MARCHF1: variants seen among roughly 807,000 people sequenced by gnomAD.
MARCHF1 encodes the protein membrane associated ring-CH-type finger 1.
Under a neutral mutation model 54.2 loss-of-function variants are expected in MARCHF1, and 40 were observed. The observed-to-expected ratio is 0.74, with a 90% CI of 0.57 to 0.96. The LOEUF is 0.96. Among genes scored for constraint, MARCHF1 ranks in the 40% least tolerant of loss-of-function variants. The probability of loss-of-function intolerance (pLI) is 0.00; values close to 1 mark genes in which losing one functional copy is unlikely to be tolerated. For missense variants in MARCHF1, 586 were observed against 656.5 expected (o/e 0.89, Z 1.17); for synonymous variants, 236 against 236.3 (o/e 1.00, Z 0.01).
At chr4:164,196,695 AAG>A (rs902206159) in intron 1 of MARCHF1, among the ~76,000 whole-genome samples, 9 of 152,180 alleles carry the variant, frequency 5.9e-5, no homozygotes, top group Admixed American at 3.9e-4. Context: ...AAAAAATAAA[AAG>A]AGAGAGAGAA....
rs1170533676 is a variant in MARCHF1 at position 163,619,375 on chromosome 4, G to C, written c.163-5982C>G. Among the ~76,000 whole-genome samples, 8 of 152,056 alleles carry C rather than the reference G, an allele frequency of 5.3e-5. No individual in the cohort carries two copies. The East Asian group carries it at 7.7e-4, about 15-fold the overall frequency. The stretch of plus-strand genomic sequence containing the variant: ...TAGTTTGAGCAATCAAATCCCAACA[G>C]GTTGTTTTATTTTAAGATATGGTAA... On this transcript the variant is annotated intron_variant, in intron 5 of 9. Coordinates refer to ENST00000514618, the MANE Select transcript of MARCHF1 (RefSeq NM_001394959.1).
chr4:163,774,390 G>A (rs1461439313), intron 4 of MARCHF1, among the ~76,000 whole-genome samples: 1 of 151,860 alleles, frequency 6.6e-6, no homozygotes, highest in Non-Finnish European at 1.5e-5. Flanking sequence ...TGTATCCAAT[G>A]TTTCCACGGT....
At chr4:163,821,422 T>C (rs1181866436) in intron 4 of MARCHF1, among the ~76,000 whole-genome samples, 1 of 151,962 alleles carries the variant, frequency 6.6e-6, no homozygotes, top group Non-Finnish European at 1.5e-5. Context: ...GGATTTTCAA[T>C]AGTAGGCATT....
At chr4:164,339,687 C>T (rs1429487692) in intron 1 of MARCHF1, among the ~76,000 whole-genome samples, 1 of 151,842 alleles carries the variant, frequency 6.6e-6, no homozygotes, top group Non-Finnish European at 1.5e-5. Flanking sequence ...ATAAACTAAG[C>T]ATAGAGTTTG....
intron 9 of MARCHF1, among the ~76,000 whole-genome samples, chr4:163,537,966 G>A (rs1211651634): frequency 2.6e-5 from 4 of 152,148 alleles, no homozygotes; most frequent in Admixed American, 1.3e-4. Context: ...ATCAACATGC[G>A]AATAGGTTTT....
At chr4:164,147,359 A>G (rs1252057670) in intron 1 of MARCHF1, among the ~76,000 whole-genome samples, 61 of 148,490 alleles carry the variant, frequency 4.1e-4, no homozygotes, top group African/African-American at 1.4e-3. Context: ...TGCTGCTATA[A>G]AGACACATGC....
chr4:164,171,495 A>C (rs1393046859), intron 1 of MARCHF1, among the ~76,000 whole-genome samples: 5 of 152,164 alleles, frequency 3.3e-5, no homozygotes, highest in Non-Finnish European at 7.4e-5. Context: ...TAAGTGAAAT[A>C]AGTGATTAGA....
At chr4:164,190,449 G>A (rs1731094877) in intron 1 of MARCHF1, 3 of 392,298 alleles carry the variant, frequency 7.6e-6, no homozygotes, top group African/African-American at 2.1e-5. Context: ...ACCTCAGAGT[G>A]GAGTTGAAAA....
intron 2 of MARCHF1, among the ~76,000 whole-genome samples, chr4:164,026,008 A>C (rs1753759290): frequency 6.6e-6 from 1 of 152,116 alleles, no homozygotes; most frequent in African/African-American, 2.4e-5. Flanking sequence ...ACAGCCTCCC[A>C]AGATTGAACC....
intron 1 of MARCHF1, among the ~76,000 whole-genome samples, chr4:164,304,438 A>G (rs1734645644): frequency 6.6e-6 from 1 of 152,008 alleles, no homozygotes; most frequent in African/African-American, 2.4e-5. Context: ...TTTCCCTCCC[A>G]CTCCTTCATA....
Position 164,220,579 on chromosome 4 carries a change from CATATG to C in MARCHF1, c.-322-108922_-322-108918del, listed in dbSNP as rs200401196. Among the ~76,000 whole-genome samples, 1,074 of 127,802 alleles carry C rather than the reference CATATG, an allele frequency of 8.4e-3. 8 individuals carry two copies. Among genetic ancestry groups the C allele is most frequent in the Non-Finnish European group, 0.012 (760 of 61,602 alleles). 83.8% of individuals were successfully genotyped at this position (127,802 alleles called of 152,430 possible). On this transcript the variant is annotated intron_variant, in intron 1 of 9. Coordinates refer to ENST00000514618, the MANE Select transcript of MARCHF1 (RefSeq NM_001394959.1). Reference sequence around the variant, plus strand: ...ATGATATATATCTATATATGTAATACATATGATATATGTATATATGTAATATATAT... The same window carrying C: ...ATGATATATATCTATATATGTAATACATATATGTATATATGTAATATATAT...
chr4:163,808,017 T>C (rs1014076893), intron 4 of MARCHF1, among the ~76,000 whole-genome samples: 1 of 152,218 alleles, frequency 6.6e-6, no homozygotes, highest in South Asian at 2.1e-4. Flanking sequence ...TGCCTTTATA[T>C]TTTCTTGCCT....
chr4:163,932,142 C>T (rs1054768679), intron 3 of MARCHF1, among the ~76,000 whole-genome samples: 1 of 151,784 alleles, frequency 6.6e-6, no homozygotes, highest in African/African-American at 2.4e-5. Flanking sequence ...CTAATGATTG[C>T]CTTATCTTTC....
At chr4:163,569,943 A>C (rs1739785982) in intron 8 of MARCHF1, among the ~76,000 whole-genome samples, 1 of 152,210 alleles carries the variant, frequency 6.6e-6, no homozygotes, top group African/African-American at 2.4e-5. Flanking sequence ...TATTGTTCAA[A>C]TATGTCAGAC....
chr4:163,992,700 TG>T (rs1752990790), intron 2 of MARCHF1, among the ~76,000 whole-genome samples: 1 of 150,566 alleles, frequency 6.6e-6, no homozygotes, highest in Non-Finnish European at 1.5e-5. Flanking sequence ...ACCCCAGACC[TG>T]GCAGAAAGAA....
intron 4 of MARCHF1, among the ~76,000 whole-genome samples, chr4:163,841,292 G>T (rs755382434): frequency 6.6e-6 from 1 of 151,948 alleles, no homozygotes; most frequent in Non-Finnish European, 1.5e-5. Flanking sequence ...TATGACATGC[G>T]AATGTAGGTT....
chr4:164,094,398 A>G (rs115801025), intron 2 of MARCHF1, among the ~76,000 whole-genome samples: 18 of 152,290 alleles, frequency 1.2e-4, no homozygotes, highest in African/African-American at 4.3e-4. Context: ...CTCCAGTTCA[A>G]GGTGCAGCCA....
chr4:163,672,251 A>G (rs191812675), intron 5 of MARCHF1, among the ~76,000 whole-genome samples: 1 of 152,162 alleles, frequency 6.6e-6, no homozygotes, highest in Admixed American at 6.5e-5. Flanking sequence ...CCTCTAAACT[A>G]TGTATTTTTT....
chr4:163,844,794 C>T (rs1171364337), intron 4 of MARCHF1, among the ~76,000 whole-genome samples: 1 of 152,094 alleles, frequency 6.6e-6, no homozygotes, highest in Non-Finnish European at 1.5e-5. Flanking sequence ...GAATACTAAA[C>T]AATTCATTAA....
Sources: gnomAD v4.1 joint callset for allele counts (sites outside exome capture counted in the v4.1 genomes callset) on GRCh38, gnomAD v4.1.1 for gene constraint, MANE v1.5 for transcripts, NCBI Gene and HGNC (gene_info 2026-07-23, HGNC 2026-07-21) for gene names.